Variants in CDH10 observed in about 807,000 individuals in gnomAD.
CDH10 encodes cadherin-10.
A neutral mutation model predicts 73.1 loss-of-function variants in CDH10; 30 were observed. The observed-to-expected ratio is 0.41, with a 90% confidence interval of 0.31 to 0.56. CDH10 has a LOEUF of 0.56. CDH10 is among the 20% of genes least tolerant of loss of function. CDH10 has a pLI of 0.27. For synonymous variants in CDH10, 345 were observed against 348.2 expected, an observed-to-expected ratio of 0.99 and a Z score of 0.10; for missense variants, 815 against 973.7, an observed-to-expected ratio of 0.84 and a Z score of 2.17.
chr5:24,621,024 G>A (rs1747298957), intron 1 of CDH10, among the ~76,000 whole-genome samples: 1 of 152,304 alleles, frequency 6.6e-6, no homozygotes, highest in East Asian at 1.9e-4. Flanking sequence ...GATTGAAACT[G>A]GGATATATCT....
intron 2 of CDH10, among the ~76,000 whole-genome samples, chr5:24,547,301 G>A (rs988347772): frequency 6.6e-6 from 1 of 152,100 alleles, no homozygotes; most frequent in Non-Finnish European, 1.5e-5. Flanking sequence ...ATAAATCACA[G>A]AAAATCATAT....
intron 7 of CDH10, among the ~76,000 whole-genome samples, chr5:24,505,748 C>T (rs765327728): frequency 9.9e-5 from 15 of 152,178 alleles, no homozygotes; most frequent in Non-Finnish European, 1.9e-4. Context: ...ATAACACCCA[C>T]GTAGCTTCAG....
intron 1 of CDH10, 79 bp from the exon 2 acceptor site, chr5:24,593,692 AAT>A: frequency 1.9e-6 from 1 of 526,498 alleles, no homozygotes; most frequent in Non-Finnish European, 3.3e-6. Context: ...TTAAAGTGAC[AAT>A]AGTTTATTAA....
intron 5 of CDH10, among the ~76,000 whole-genome samples, chr5:24,527,236 T>C (rs944055434): frequency 1.3e-5 from 2 of 148,324 alleles, no homozygotes; most frequent in African/African-American, 4.9e-5. Context: ...TAGTCATATA[T>C]ACTTACATAA....
intron 5 of CDH10, among the ~76,000 whole-genome samples, chr5:24,534,124 C>T (rs930135024): frequency 2.0e-5 from 3 of 151,992 alleles, no homozygotes; most frequent in African/African-American, 7.2e-5. Flanking sequence ...AGTAATTCCT[C>T]TGAGCAACGG....
chr5:24,526,778 G>A (rs1743548941), intron 5 of CDH10, among the ~76,000 whole-genome samples: 1 of 151,802 alleles, frequency 6.6e-6, no homozygotes, highest in Admixed American at 6.6e-5. Flanking sequence ...AACTGTGCCT[G>A]ATGCTGTCCG....
chr5:24,637,993 C>A (rs1361722787), intron 1 of CDH10, among the ~76,000 whole-genome samples: 1 of 151,736 alleles, frequency 6.6e-6, no homozygotes. Context: ...TTTCATTGCT[C>A]TTAAGTCAAG....
intron 2 of CDH10, among the ~76,000 whole-genome samples, chr5:24,546,904 T>C (rs1744363602): frequency 6.6e-6 from 1 of 152,074 alleles, no homozygotes. Flanking sequence ...AGATGAGCAA[T>C]GATTTTGGAA....
chr5:24,542,061 T>A (rs1744174411), intron 2 of CDH10, among the ~76,000 whole-genome samples: 1 of 152,192 alleles, frequency 6.6e-6, no homozygotes, highest in Non-Finnish European at 1.5e-5. Context: ...GAATGCCTGG[T>A]CACTTGAAAT....
chr5:24,540,643 G>A (rs1010618465), intron 2 of CDH10, among the ~76,000 whole-genome samples: 3 of 151,758 alleles, frequency 2.0e-5, no homozygotes, highest in South Asian at 2.1e-4. Context: ...ATTAAGAGAA[G>A]CAAATTACAA....
chr5:24,566,961 A>G (rs1011396437), intron 2 of CDH10, among the ~76,000 whole-genome samples: 1 of 152,120 alleles, frequency 6.6e-6, no homozygotes, highest in Non-Finnish European at 1.5e-5. Flanking sequence ...TCTTATATCC[A>G]GAATATATAA....
chr5:24,543,019 C>T (rs1049419143), intron 2 of CDH10, among the ~76,000 whole-genome samples: 26 of 152,124 alleles, frequency 1.7e-4, no homozygotes, highest in African/African-American at 6.0e-4. Context: ...TTTTAAGTTA[C>T]ATTAAATGAA....
At position 24,567,651 on chromosome 5, in the gene CDH10, G is replaced by A. The variant is rs567187060; in HGVS notation, c.231+25609C>T. Among the ~76,000 whole-genome samples, 5 of 152,100 alleles carry A rather than the reference G, an allele frequency of 3.3e-5. No individual in the cohort carries two copies. The South Asian group carries it at 1.0e-3, about 32-fold the overall frequency. On this transcript the variant is annotated intron_variant, in intron 2 of 11. Coordinates refer to ENST00000264463, the MANE Select transcript of CDH10 (RefSeq NM_006727.5). ...TGGTTGCCTATTGAAATAGGAAATG[G>A]ACTGGGAAGACACAGAGGGAAATTT...
intron 2 of CDH10, among the ~76,000 whole-genome samples, chr5:24,547,541 T>C (rs2008183): frequency 0.28 from 42,439 of 152,014 alleles, 6,157 homozygotes; most frequent in Admixed American, 0.32. Flanking sequence ...ATTGGTAAAC[T>C]GAAGGTCTTC....
At chr5:24,539,431 G>A (rs1175660625) in intron 2 of CDH10, among the ~76,000 whole-genome samples, 1 of 151,822 alleles carries the variant, frequency 6.6e-6, no homozygotes, top group Non-Finnish European at 1.5e-5. Flanking sequence ...AAAATTTTAT[G>A]TGTATTTATC....
chr5:24,540,338 A>C (rs1744105493), intron 2 of CDH10, among the ~76,000 whole-genome samples: 1 of 151,758 alleles, frequency 6.6e-6, no homozygotes, highest in South Asian at 2.1e-4. Flanking sequence ...GGTCATTAAA[A>C]CCCTTTCTCC....
At chr5:24,611,097 C>A (rs6862239) in intron 1 of CDH10, among the ~76,000 whole-genome samples, 28 of 152,290 alleles carry the variant, frequency 1.8e-4, no homozygotes, top group Non-Finnish European at 1.2e-4. Context: ...TTATACCCAG[C>A]ATTTAGCACA....
rs545197718 is a variant in CDH10, at chr5:24,552,514, CTAT to C, written c.232-14843_232-14841del. 4.0e-5 allele frequency among the ~76,000 whole-genome samples: 6 copies of C among 151,836 alleles called. 1 individual carries two copies. The highest frequency in any genetic ancestry group is 1.2e-4 in the African/African-American group (5 of 41,446). On this transcript the variant is annotated intron_variant, in intron 2 of 11. Transcript: ENST00000264463. ...TGTTAGTAATTTTTTGTCTATTATC[CTAT>C]TGCTAATCTTCTTTTTCTGTTAATG... is the stretch of plus-strand genomic sequence containing the variant.
chr5:24,618,405 A>T (rs894038580), intron 1 of CDH10, among the ~76,000 whole-genome samples: 5 of 152,188 alleles, frequency 3.3e-5, no homozygotes, highest in Non-Finnish European at 7.3e-5. Context: ...AATTAACAAG[A>T]TGTTTACTTA....
Sources: gnomAD v4.1 joint callset for allele counts (sites outside exome capture counted in the v4.1 genomes callset) on GRCh38, gnomAD v4.1.1 for gene constraint, MANE v1.5 for transcripts, NCBI Gene and HGNC (gene_info 2026-07-23, HGNC 2026-07-21) for gene names.